Variants in LRRC2 observed in about 807,000 individuals in gnomAD.
The protein encoded by LRRC2 is leucine-rich repeat-containing protein 2.
LRRC2 carries 27 observed loss-of-function variants against 40.2 expected under a neutral mutation model. That is an observed-to-expected ratio of 0.67 (90% CI 0.49 to 0.93). The LOEUF (loss-of-function observed/expected upper bound fraction) is 0.93, where lower values mean the gene tolerates loss of function less well. Among genes scored for constraint, LRRC2 ranks in the 40% least tolerant of loss-of-function variants. The pLI, the probability that LRRC2 is intolerant of heterozygous loss-of-function variation, is 0.00. For synonymous variants in LRRC2, 147 were observed against 158.9 expected (o/e 0.92, Z 0.56); for missense variants, 402 against 439.6 (o/e 0.91, Z 0.76).
At chr3:46,552,159 G>GC (rs947443509) in intron 1 of LRRC2, among the ~76,000 whole-genome samples, 3 of 152,028 alleles carry the variant, frequency 2.0e-5, no homozygotes, top group African/African-American at 7.2e-5. Flanking sequence ...GGCTCCCAAA[G>GC]CCCCCTGGGG....
At chr3:46,554,817 G>T (rs1415785975) in intron 1 of LRRC2, among the ~76,000 whole-genome samples, 2 of 152,136 alleles carry the variant, frequency 1.3e-5, no homozygotes, top group Non-Finnish European at 2.9e-5. Flanking sequence ...TGAACTGTCA[G>T]ACTGTTTTCC....
intron 2 of LRRC2, among the ~76,000 whole-genome samples, chr3:46,545,827 C>T (rs1364932203): frequency 6.6e-6 from 1 of 152,214 alleles, no homozygotes; most frequent in African/African-American, 2.4e-5. Flanking sequence ...ATGCTAAGCT[C>T]CATGATGACA....
At chr3:46,539,294 G>C (rs777988918) in intron 3 of LRRC2, 93 bp from the exon 4 acceptor site, 212 of 1,246,404 alleles carry the variant, frequency 1.7e-4, no homozygotes, top group Non-Finnish European at 2.2e-4. Context: ...CAGGAAGTGA[G>C]AAAGCAGACA....
intron 4 of LRRC2, among the ~76,000 whole-genome samples, chr3:46,535,531 G>A (rs914288148): frequency 2.0e-5 from 3 of 152,136 alleles, no homozygotes; most frequent in Non-Finnish European, 4.4e-5. Context: ...AATTTTAGAG[G>A]TGGCAGATAT....
intron 7 of LRRC2, among the ~76,000 whole-genome samples, chr3:46,524,055 C>T (rs1222157266): frequency 3.9e-5 from 6 of 152,026 alleles, no homozygotes; most frequent in Non-Finnish European, 7.4e-5. Flanking sequence ...TGTGTAATCA[C>T]ATCTCACTTT....
Position 46,529,961 on chromosome 3 carries a change from CA to C in LRRC2, c.716del (p.Leu239CysfsTer11). On this transcript the variant is annotated frameshift_variant, in exon 6 of 9. Coordinates refer to ENST00000395905, the MANE Select transcript of LRRC2 (RefSeq NM_024512.5). LOFTEE classifies it high-confidence loss of function. ...VPICVLRMSNLQWLDISSNNL... is the reference protein window; with the variant it reads ...VPICVLRMSNXQWLDISSNNL... ...TATTGCTGCTGATATCCAACCACTG[CA>C]AATTCGACATCCGCAGGACACAGAT... 2 of 1,614,150 alleles carry C rather than the reference CA, an allele frequency of 1.2e-6. No individual in the cohort carries two copies. Among genetic ancestry groups the C allele is most frequent in the Non-Finnish European group, 1.7e-6 (2 of 1,180,008 alleles).
At position 46,532,928 on chromosome 3, in the gene LRRC2, A is replaced by G. The variant is rs1402152; in HGVS notation, c.491-19T>C. On this transcript the variant is annotated intron_variant, in intron 4 of 8. Transcript: ENST00000395905. ...AAACAACCTGTCAGCAGAAAAAGTT[A>G]ACATCCATTGAATAGGTCGTTTAAG... The G allele has an allele frequency of 0.35, 557,896 of 1,610,596 alleles. 98,631 individuals carry two copies. Among genetic ancestry groups the G allele is most frequent in the South Asian group, 0.46 (41,367 of 90,788 alleles).
chr3:46,542,603 T>G (rs1288746355), intron 3 of LRRC2, among the ~76,000 whole-genome samples: 1 of 151,270 alleles, frequency 6.6e-6, no homozygotes, highest in African/African-American at 2.4e-5. Context: ...AGAACAAAAT[T>G]TTAAAAGCTA....
chr3:46,530,125 G>A, intron 5 of LRRC2, 75 bp from the exon 6 acceptor site: 3 of 1,218,972 alleles, frequency 2.5e-6, no homozygotes, highest in Non-Finnish European at 3.5e-6. Flanking sequence ...ATTTTAAGAT[G>A]GATATTTCTT....
rs141963336 is a variant in LRRC2, at chr3:46,527,464, C to T, written c.891G>A (p.Glu297=). ...LLVVSGDHLV[E]LPTALCDSST... is the part of the protein sequence containing the mutation. ...ATGAGTCACAAAGGGCAGTTGGGAGCTCCACCAAATGGTCCCCACTGACGA... is the reference window on the plus strand; with the variant it reads ...ATGAGTCACAAAGGGCAGTTGGGAGTTCCACCAAATGGTCCCCACTGACGA... Residue 297 remains glutamate (E), a synonymous_variant, in exon 7 of 9, where the codon GAG becomes GAA. Transcript: ENST00000395905. 73 of 1,613,806 alleles carry T rather than the reference C, an allele frequency of 4.5e-5. No individual in the cohort carries two copies. In the African/African-American group the frequency reaches 8.5e-4, roughly 19 times the overall value.
rs529349761 is a variant in LRRC2 at position 46,517,161 on chromosome 3, T to C, written c.*1853A>G. On this transcript the variant is annotated 3_prime_UTR_variant, in exon 9 of 9. Coordinates refer to ENST00000395905, the MANE Select transcript of LRRC2 (RefSeq NM_024512.5). ...CGTTGGACAACGCAAATACAGAACA[T>C]TTCCGTCACTGCAGAAAGCTCCACT... 6.6e-6 allele frequency: 1 copy of C among 152,274 alleles called. No homozygotes were observed. Among genetic ancestry groups the C allele is most frequent in the African/African-American group, 2.4e-5 (1 of 41,556 alleles). 9.4% of individuals were successfully genotyped at this position (152,274 alleles called of 1,614,324 possible).
chr3:46,554,026 G>GT (rs112755431), intron 1 of LRRC2, among the ~76,000 whole-genome samples: 7,304 of 150,944 alleles, frequency 0.048, 264 homozygotes, highest in South Asian at 0.15. Context: ...TTTTTTTGTT[G>GT]TTTTTTTTCC....
intron 1 of LRRC2, among the ~76,000 whole-genome samples, chr3:46,560,094 G>A (rs139112092): frequency 1.4e-3 from 209 of 152,310 alleles, no homozygotes; most frequent in African/African-American, 4.1e-3. Flanking sequence ...GGCATCCCAT[G>A]TAGGACAGAG....
intron 1 of LRRC2, 67 bp downstream of exon 1, chr3:46,566,110 G>C (rs1430825300): frequency 1.1e-4 from 17 of 152,348 alleles, no homozygotes; most frequent in Admixed American, 1.1e-3. Context: ...ATCCGCCCGC[G>C]TCCTCCCACG....
chr3:46,563,350 A>G (rs1405683992), intron 1 of LRRC2, among the ~76,000 whole-genome samples: 1 of 152,156 alleles, frequency 6.6e-6, no homozygotes, highest in East Asian at 1.9e-4. Flanking sequence ...ATGAGATCCC[A>G]GCTTTCCACA....
At chr3:46,520,752 C>G (rs1212043471) in intron 8 of LRRC2, among the ~76,000 whole-genome samples, 1 of 152,226 alleles carries the variant, frequency 6.6e-6, no homozygotes, top group East Asian at 1.9e-4. Context: ...GGACAACTCT[C>G]TTCCTGCCAG....
chr3:46,534,517 T>C (rs550672626), intron 4 of LRRC2, among the ~76,000 whole-genome samples: 100 of 151,822 alleles, frequency 6.6e-4, no homozygotes, highest in African/African-American at 2.4e-3. Flanking sequence ...AGGAACAAAG[T>C]ACAGTTTCTA....
chr3:46,543,048 C>A (rs1399479771), intron 3 of LRRC2, among the ~76,000 whole-genome samples: 1 of 152,204 alleles, frequency 6.6e-6, no homozygotes, highest in Non-Finnish European at 1.5e-5. Flanking sequence ...CACACACAGC[C>A]TTTCACTCCT....
rs1453781958 is a variant in LRRC2, at chr3:46,521,518, C to T, written c.1066+4G>A. 6.3e-6 allele frequency: 10 copies of T among 1,588,520 alleles called. No individual in the cohort carries two copies. The highest frequency in any genetic ancestry group is 8.6e-6 in the Non-Finnish European group (10 of 1,165,568). On this transcript the variant is annotated splice_donor_region_variant and intron_variant, in intron 8 of 8. Transcript: ENST00000395905. ...TTAAATAATTTTAAATATGAGTAAC[C>T]CACCTCTTTCTTTAAGGTCTTCAAT... is the stretch of plus-strand genomic sequence containing the variant.
Sources: gnomAD v4.1 joint callset for allele counts (sites outside exome capture counted in the v4.1 genomes callset) on GRCh38, gnomAD v4.1.1 for gene constraint, MANE v1.5 for transcripts, NCBI Gene and HGNC (gene_info 2026-07-23, HGNC 2026-07-21) for gene names.